The following GRM8 variants were observed in gnomAD, a reference collection of about 807,000 sequenced individuals.
GRM8 encodes the protein metabotropic glutamate receptor 8.
GRM8 carries 47 observed loss-of-function variants against 87.2 expected under a neutral mutation model. That is an observed-to-expected ratio of 0.54 (90% CI 0.43 to 0.69). GRM8 has a LOEUF of 0.69. GRM8 is among the 30% of genes least tolerant of loss of function. The probability of loss-of-function intolerance (pLI) is 0.00; values close to 1 mark genes in which losing one functional copy is unlikely to be tolerated. For synonymous variants in GRM8, 396 were observed against 404.5 expected, an observed-to-expected ratio of 0.98 and a Z score of 0.25; for missense variants, 1,019 against 1,139.2, an observed-to-expected ratio of 0.89 and a Z score of 1.52.
intron 7 of GRM8, among the ~76,000 whole-genome samples, chr7:126,692,796 C>G (rs754012106): frequency 2.6e-5 from 4 of 152,134 alleles, no homozygotes; most frequent in Non-Finnish European, 5.9e-5. Context: ...TTTAACCAAA[C>G]TATTCCTTAG....
chr7:126,474,380 CACCT>C, intron 9 of GRM8, among the ~76,000 whole-genome samples: 1 of 152,108 alleles, frequency 6.6e-6, no homozygotes, highest in Non-Finnish European at 1.5e-5. Flanking sequence ...GCAATCCTCT[CACCT>C]CAGCCTCCTG....
chr7:126,641,218 A>G (rs1802348937), intron 7 of GRM8, among the ~76,000 whole-genome samples: 1 of 152,204 alleles, frequency 6.6e-6, no homozygotes, highest in African/African-American at 2.4e-5. Context: ...CTTTGTCCCC[A>G]GTGCAATGGT....
intron 7 of GRM8, among the ~76,000 whole-genome samples, chr7:126,623,010 T>C (rs1800328566): frequency 6.6e-6 from 1 of 152,356 alleles, no homozygotes; most frequent in South Asian, 2.1e-4. Context: ...TTTCCAAACA[T>C]GTTCTTCAGA....
At chr7:127,198,849 T>A (rs1458643419) in intron 2 of GRM8, among the ~76,000 whole-genome samples, 1 of 150,724 alleles carries the variant, frequency 6.6e-6, no homozygotes, top group Non-Finnish European at 1.5e-5. Context: ...TTTTTTTTTT[T>A]TTTTTTTTGA....
At chr7:126,670,078 G>A (rs1012723035) in intron 7 of GRM8, among the ~76,000 whole-genome samples, 2 of 152,138 alleles carry the variant, frequency 1.3e-5, no homozygotes, top group Admixed American at 1.3e-4. Flanking sequence ...ATTCAAAAGG[G>A]TTATAAAAGG....
intron 3 of GRM8, among the ~76,000 whole-genome samples, chr7:127,044,760 C>T (rs190299696): frequency 6.8e-4 from 103 of 152,234 alleles, no homozygotes; most frequent in African/African-American, 2.3e-3. Context: ...ATAGCAGCAA[C>T]GGCTAACATA....
At chr7:126,821,202 C>T (rs1794267059) in intron 6 of GRM8, among the ~76,000 whole-genome samples, 1 of 152,160 alleles carries the variant, frequency 6.6e-6, no homozygotes, top group Non-Finnish European at 1.5e-5. Flanking sequence ...ATTTATTTCA[C>T]CATTTGCTGG....
intron 3 of GRM8, chr7:127,084,141 A>G (rs1823190172): frequency 1.3e-5 from 2 of 152,206 alleles, no homozygotes; most frequent in Non-Finnish European, 2.9e-5. Context: ...TAAAAATAGC[A>G]AGTAGGTCTA....
chr7:127,014,651 A>G (rs971313979), intron 3 of GRM8, among the ~76,000 whole-genome samples: 2 of 152,134 alleles, frequency 1.3e-5, no homozygotes, highest in Non-Finnish European at 2.9e-5. Context: ...TCTATAGCTG[A>G]TAGATATTAT....
chr7:127,100,417 T>G (rs751440511), intron 3 of GRM8, among the ~76,000 whole-genome samples: 1 of 152,154 alleles, frequency 6.6e-6, no homozygotes, highest in African/African-American at 2.4e-5. Flanking sequence ...CATAAACCCA[T>G]GAAAAGAGAA....
At chr7:127,117,806 T>C (rs1359295540) in intron 2 of GRM8, among the ~76,000 whole-genome samples, 4 of 152,186 alleles carry the variant, frequency 2.6e-5, no homozygotes, top group Non-Finnish European at 5.9e-5. Flanking sequence ...TGTGGTTCAA[T>C]TTTTCCCCCA....
At chr7:127,217,551 T>A (rs527249333) in intron 2 of GRM8, among the ~76,000 whole-genome samples, 1 of 152,330 alleles carries the variant, frequency 6.6e-6, no homozygotes, top group Non-Finnish European at 1.5e-5. Context: ...ATCAAAGTCC[T>A]GTTTCAGACT....
At chr7:127,119,873 G>A (rs1448177647) in intron 2 of GRM8, among the ~76,000 whole-genome samples, 1 of 152,084 alleles carries the variant, frequency 6.6e-6, no homozygotes, top group Non-Finnish European at 1.5e-5. Context: ...TCCTTTAAGT[G>A]TTAGCATTCC....
chr7:127,219,776 T>C (rs12706769), intron 2 of GRM8: 26,220 of 152,156 alleles, frequency 0.17, 2,457 homozygotes, highest in Middle Eastern at 0.2. Context: ...TTCAGCGATG[T>C]ACCCATGAAC....
At chr7:126,730,911 T>C (rs1272928417) in intron 7 of GRM8, among the ~76,000 whole-genome samples, 1 of 152,156 alleles carries the variant, frequency 6.6e-6, no homozygotes, top group Non-Finnish European at 1.5e-5. Flanking sequence ...CAAATTCTCT[T>C]TTCGATAAAT....
At chr7:126,978,900 T>C (rs1811264307) in intron 3 of GRM8, among the ~76,000 whole-genome samples, 1 of 152,198 alleles carries the variant, frequency 6.6e-6, no homozygotes, top group African/African-American at 2.4e-5. Flanking sequence ...ACTAATCTCC[T>C]ATAAAACAGG....
At chr7:126,560,016 C>T (rs1318080086) in intron 8 of GRM8, among the ~76,000 whole-genome samples, 1 of 152,194 alleles carries the variant, frequency 6.6e-6, no homozygotes, top group African/African-American at 2.4e-5. Context: ...GAAATCTAAC[C>T]TAAAGATAGA....
chr7:126,990,967 G>C (rs1812603538), intron 3 of GRM8, among the ~76,000 whole-genome samples: 1 of 151,986 alleles, frequency 6.6e-6, no homozygotes, highest in Non-Finnish European at 1.5e-5. Flanking sequence ...ATTATATATA[G>C]TTTAACTTAA....
rs1198117225 is a variant in GRM8, at chr7:127,242,908, A to G, written c.297T>C (p.Gly99=). The part of the protein sequence containing the change: ...DPDLLSNITL[G]VRILDTCSRD... ...TAGAGCACGTGTCGAGGATGCGGAC[A>G]CCCAGAGTGATGTTGGAAAGGAGAT... The change falls in exon 2 of 11, where the codon GGT becomes GGC. Residue 99 remains glycine (G), a synonymous_variant. Coordinates refer to ENST00000339582, the MANE Select transcript of GRM8 (RefSeq NM_000845.3). 2 of 1,614,120 alleles carry G rather than the reference A, an allele frequency of 1.2e-6. No homozygotes were observed. The highest frequency in any genetic ancestry group is 8.5e-7 in the Non-Finnish European group (1 of 1,179,986).
Sources: gnomAD v4.1 joint callset for allele counts (sites outside exome capture counted in the v4.1 genomes callset) on GRCh38, gnomAD v4.1.1 for gene constraint, MANE v1.5 for transcripts, NCBI Gene and HGNC (gene_info 2026-07-23, HGNC 2026-07-21) for gene names.